PRKG1: variants seen among roughly 807,000 people sequenced by gnomAD.
The protein encoded by PRKG1 is protein kinase cGMP-dependent 1, also known as cGMP-dependent protein kinase 1.
PRKG1 carries 35 observed loss-of-function variants against 88.1 expected under a neutral mutation model. The observed-to-expected ratio is 0.40, with a 90% CI of 0.30 to 0.53. PRKG1 has a LOEUF of 0.53. PRKG1 is among the 20% of genes least tolerant of loss of function. The pLI is 0.59. For synonymous variants in PRKG1, 303 were observed against 292.5 expected (o/e 1.04, Z -0.37); for missense variants, 540 against 839.8 (o/e 0.64, Z 4.41).
chr10:51,223,279 T>TA (rs1163951455), intron 2 of PRKG1, among the ~76,000 whole-genome samples: 1 of 152,070 alleles, frequency 6.6e-6, no homozygotes, highest in Non-Finnish European at 1.5e-5. Flanking sequence ...TTTATAGTTA[T>TA]AAAAAAGTTC....
chr10:51,747,146 T>C (rs192949546), intron 3 of PRKG1, among the ~76,000 whole-genome samples: 88 of 152,272 alleles, frequency 5.8e-4, no homozygotes, highest in African/African-American at 2.1e-3. Flanking sequence ...ATAAATTATT[T>C]TGCATTGCTC....
intron 3 of PRKG1, among the ~76,000 whole-genome samples, chr10:51,773,744 T>A (rs1378875692): frequency 6.6e-6 from 1 of 152,122 alleles, no homozygotes; most frequent in Non-Finnish European, 1.5e-5. Context: ...ATTATTCATC[T>A]CATTTAATTC....
chr10:51,849,698 A>G (rs1157780124), intron 4 of PRKG1, among the ~76,000 whole-genome samples: 1 of 152,182 alleles, frequency 6.6e-6, no homozygotes, highest in Non-Finnish European at 1.5e-5. Context: ...CTGATATTTC[A>G]TGATTATTGT....
intron 6 of PRKG1, among the ~76,000 whole-genome samples, chr10:52,060,608 A>G (rs1846214169): frequency 6.6e-6 from 1 of 151,894 alleles, no homozygotes; most frequent in Non-Finnish European, 1.5e-5. Flanking sequence ...GGGAAATGCC[A>G]TCTAATACCT....
At chr10:51,077,475 T>C (rs548435022) in intron 1 of PRKG1, among the ~76,000 whole-genome samples, 2 of 152,348 alleles carry the variant, frequency 1.3e-5, no homozygotes, top group African/African-American at 2.4e-5. Flanking sequence ...TATATGCAAA[T>C]ATATCTGTTT....
In PRKG1 at chr10:52,161,865, C is replaced by T. The variant is rs377366542; in HGVS notation, c.1002-24C>T. 24 of 1,605,216 alleles carry T rather than the reference C, an allele frequency of 1.5e-5. No individual in the cohort carries two copies. In the African/African-American group the frequency reaches 2.9e-4, roughly 20 times the overall value. ...TGCTACTATTTTGTAGAAGATTAAT[C>T]ACTGTGCTTTTTTCGTCTGACAGCT... On this transcript the variant is annotated intron_variant, in intron 8 of 17. Transcript: ENST00000373980.
chr10:51,948,478 G>C (rs1330223085), intron 5 of PRKG1, among the ~76,000 whole-genome samples: 3 of 151,700 alleles, frequency 2.0e-5, no homozygotes, highest in Non-Finnish European at 4.4e-5. Flanking sequence ...AAGGGTTTTG[G>C]ATTTCATGTG....
At position 51,034,669 on chromosome 10, in the gene PRKG1, TATATATATATATATATATA is replaced by T. The variant is rs1241700461; in HGVS notation, c.266+43026_266+43044del. Among the ~76,000 whole-genome samples, 228 of 29,228 alleles carry T rather than the reference TATATATATATATATATATA, an allele frequency of 7.8e-3. 5 individuals carry two copies. In the East Asian group the frequency reaches 0.12, roughly 16 times the overall value. 19.2% of individuals were successfully genotyped at this position (29,228 alleles called of 152,430 possible). ...GCAAAATTATATATAATATGTTATT[TATATATATATATATATATA>T]TATATATATATATATATATGCCTTA... On this transcript the variant is annotated intron_variant, in intron 1 of 17. Transcript: ENST00000401604.
chr10:51,885,401 T>A (rs1841542762), intron 4 of PRKG1, among the ~76,000 whole-genome samples: 1 of 152,268 alleles, frequency 6.6e-6, no homozygotes, highest in Non-Finnish European at 1.5e-5. Context: ...TCTCATGTAA[T>A]TGGCCAAAGG....
chr10:51,184,612 G>GT (rs1015971672), intron 2 of PRKG1, among the ~76,000 whole-genome samples: 2 of 151,820 alleles, frequency 1.3e-5, no homozygotes, highest in South Asian at 2.1e-4. Flanking sequence ...ATGAAGGGTT[G>GT]TTTTTTTCTT....
chr10:51,772,099 A>C (rs1351905056), intron 3 of PRKG1, among the ~76,000 whole-genome samples: 1 of 152,186 alleles, frequency 6.6e-6, no homozygotes, highest in African/African-American at 2.4e-5. Context: ...AAATATGTAC[A>C]ATATTAAAAA....
At chr10:51,380,113 C>A (rs1048771122) in intron 2 of PRKG1, among the ~76,000 whole-genome samples, 2 of 152,096 alleles carry the variant, frequency 1.3e-5, no homozygotes, top group Non-Finnish European at 2.9e-5. Flanking sequence ...TCTCTCTACC[C>A]CCAAACACTT....
chr10:51,798,574 T>G (rs1247285992), intron 3 of PRKG1, among the ~76,000 whole-genome samples: 1 of 152,134 alleles, frequency 6.6e-6, no homozygotes, highest in Non-Finnish European at 1.5e-5. Flanking sequence ...TATCTGAGTG[T>G]TCAGGTGTTT....
Position 51,745,881 on chromosome 10 carries a change from G to A in PRKG1, c.593-58704G>A, listed in dbSNP as rs553853027. Among the ~76,000 whole-genome samples the A allele has an allele frequency of 7.9e-5, 12 of 152,228 alleles. No individual in the cohort carries two copies. The South Asian group carries it at 2.5e-3, about 32-fold the overall frequency. ...AAAAAATACACAGGGGTCTCATGAT[G>A]TCACCCAGGCTGGAGTGCAATGGCG... On this transcript the variant is annotated intron_variant, in intron 3 of 17. Transcript: ENST00000373980.
intron 1 of PRKG1, among the ~76,000 whole-genome samples, chr10:51,023,054 G>A (rs1454756970): frequency 2.0e-5 from 3 of 152,174 alleles, no homozygotes. Context: ...CAATCAGATA[G>A]CTGGTAAGGC....
chr10:52,160,391 A>C (rs11817529), intron 8 of PRKG1, among the ~76,000 whole-genome samples: 8,980 of 152,042 alleles, frequency 0.059, 793 homozygotes, highest in African/African-American at 0.2. Flanking sequence ...TTTCTTTTGG[A>C]ATGAATTAAT....
chr10:51,011,497 AG>A (rs1161379303), intron 1 of PRKG1, among the ~76,000 whole-genome samples: 7 of 152,230 alleles, frequency 4.6e-5, no homozygotes, highest in Non-Finnish European at 8.8e-5. Flanking sequence ...CATACTTAGA[AG>A]TAACCTCATA....
At chr10:52,016,722 GA>G (rs943324378) in intron 5 of PRKG1, among the ~76,000 whole-genome samples, 1 of 151,742 alleles carries the variant, frequency 6.6e-6, no homozygotes, top group Non-Finnish European at 1.5e-5. Flanking sequence ...ATGCAACAGT[GA>G]AAAAAAGAGA....
At chr10:51,905,195 C>T (rs1842059068) in intron 4 of PRKG1, among the ~76,000 whole-genome samples, 1 of 152,150 alleles carries the variant, frequency 6.6e-6, no homozygotes, top group African/African-American at 2.4e-5. Context: ...TATGGTCCAT[C>T]CAGCTGCTGA....
Sources: allele counts gnomAD v4.1 joint callset (sites outside exome capture counted in the v4.1 genomes callset), GRCh38; gene constraint gnomAD v4.1.1; transcripts MANE v1.5; gene names NCBI Gene and HGNC (gene_info 2026-07-23, HGNC 2026-07-21).